Variants in CSTF3 observed in about 807,000 individuals in gnomAD.
CSTF3 encodes CF-1 77 kDa subunit.
A neutral mutation model predicts 105.8 loss-of-function variants in CSTF3; 29 were observed. That is an observed-to-expected ratio of 0.27 (90% CI 0.20 to 0.37). The LOEUF (loss-of-function observed/expected upper bound fraction) is 0.37, where lower values mean the gene tolerates loss of function less well. Ranked by LOEUF, CSTF3 falls within the 10% of genes least tolerant of loss-of-function variation. The probability of loss-of-function intolerance (pLI) is 1.00; values close to 1 mark genes in which losing one functional copy is unlikely to be tolerated. For missense variants in CSTF3, 357 were observed against 879.3 expected (o/e 0.41, Z 7.51); for synonymous variants, 252 against 281.9 (o/e 0.89, Z 1.06).
chr11:33,138,417 A>G (rs1275532753), intron 3 of CSTF3, among the ~76,000 whole-genome samples: 1 of 151,822 alleles, frequency 6.6e-6, no homozygotes, highest in East Asian at 1.9e-4. Context: ...GGTTTTCTCA[A>G]TTTTGTGATT....
chr11:33,152,968 TAAC>T (rs1279522789), intron 1 of CSTF3, among the ~76,000 whole-genome samples: 11 of 151,026 alleles, frequency 7.3e-5, no homozygotes, highest in East Asian at 1.9e-4. Flanking sequence ...AAAAAAAAAA[TAAC>T]AATAATAATT....
intron 1 of CSTF3, among the ~76,000 whole-genome samples, chr11:33,144,536 A>G (rs1233041415): frequency 1.3e-5 from 2 of 152,206 alleles, no homozygotes; most frequent in South Asian, 2.1e-4. Context: ...TGGTTTCAGA[A>G]TAACTATATA....
chr11:33,093,693 T>G (rs550021685), intron 15 of CSTF3, among the ~76,000 whole-genome samples: 1 of 152,224 alleles, frequency 6.6e-6, no homozygotes, highest in South Asian at 2.1e-4. Flanking sequence ...CCACAACTCA[T>G]TTTGGCCTAG....
chr11:33,150,914 ATTTC>A (rs1855851943), intron 1 of CSTF3, among the ~76,000 whole-genome samples: 1 of 152,144 alleles, frequency 6.6e-6, no homozygotes, highest in African/African-American at 2.4e-5. Context: ...AGCTTTTATA[ATTTC>A]TTTTTTAGTA....
At chr11:33,087,254 A>G in intron 17 of CSTF3, 113 bp from the exon 18 acceptor site, 2 of 1,076,426 alleles carry the variant, frequency 1.9e-6, no homozygotes, top group Non-Finnish European at 1.4e-6. Flanking sequence ...CACAGAAAGA[A>G]AATGGAGACG....
intron 1 of CSTF3, among the ~76,000 whole-genome samples, chr11:33,160,574 T>C (rs1253893116): frequency 6.6e-6 from 1 of 152,200 alleles, no homozygotes; most frequent in Non-Finnish European, 1.5e-5. Flanking sequence ...TACAAAATTC[T>C]GAATACAAAG....
intron 3 of CSTF3, among the ~76,000 whole-genome samples, chr11:33,117,132 G>T (rs1211904008): frequency 6.6e-6 from 1 of 151,882 alleles, no homozygotes; most frequent in Non-Finnish European, 1.5e-5. Flanking sequence ...AATATGTAGG[G>T]TATACAATAC....
In CSTF3 at chr11:33,105,585, G is replaced by A; in HGVS notation, c.567C>T (p.Asp189=). The A allele has an allele frequency of 6.2e-7, 1 of 1,611,072 alleles. No homozygotes were observed. The highest frequency in any genetic ancestry group is 8.5e-7 in the Non-Finnish European group (1 of 1,179,038). The change falls in exon 8 of 21, where the codon GAC becomes GAT. Residue 189 remains aspartate (D), a synonymous_variant. Transcript: ENST00000323959. ...PMINIEQLWR[D]YNKYEEGINI... ...AATTTACCTCTTCATACTTGTTATA[G>A]TCTCTCCAGAGCTGTTCAATGTTGA...
rs1287181093 is a variant in CSTF3 at position 33,095,622 on chromosome 11, C to T, written c.1375+684G>A. ...GGATCACGAGGTCAGGAGATCGAGA[C>T]CATCCTGGCTAACACGGTGAAACCC... is the stretch of plus-strand genomic sequence containing the variant. On this transcript the variant is annotated intron_variant, in intron 15 of 20. Coordinates refer to ENST00000323959, the MANE Select transcript of CSTF3 (RefSeq NM_001326.3). 4.0e-5 allele frequency among the ~76,000 whole-genome samples: 6 copies of T among 151,552 alleles called. No homozygotes were observed. In the East Asian group the frequency reaches 1.2e-3, roughly 30 times the overall value.
At chr11:33,096,513 TAAAAC>T (rs1031192022) in intron 14 of CSTF3, 105 bp from the exon 15 acceptor site, 3 of 729,532 alleles carry the variant, frequency 4.1e-6, no homozygotes, top group African/African-American at 3.6e-5. Context: ...ATGTAAGAAT[TAAAAC>T]AAATTAAAAT....
chr11:33,139,025 T>C (rs1855682323), intron 3 of CSTF3, among the ~76,000 whole-genome samples: 1 of 151,938 alleles, frequency 6.6e-6, no homozygotes, highest in African/African-American at 2.4e-5. Context: ...TAGATACTGC[T>C]CAACTCTCAG....
intron 20 of CSTF3, 27 bp from the exon 21 acceptor site, chr11:33,085,316 A>T (rs1855093288): frequency 1.3e-6 from 2 of 1,502,344 alleles, no homozygotes; most frequent in Non-Finnish European, 1.8e-6. Context: ...ACAAAACGTA[A>T]AAACATATTC....
chr11:33,095,192 G>A (rs1590263299), intron 15 of CSTF3, among the ~76,000 whole-genome samples: 1 of 152,204 alleles, frequency 6.6e-6, no homozygotes, highest in South Asian at 2.1e-4. Flanking sequence ...AAGCCACCAC[G>A]CCCGGCCTAT....
At chr11:33,156,210 A>T (rs1163381534) in intron 1 of CSTF3, among the ~76,000 whole-genome samples, 2 of 152,250 alleles carry the variant, frequency 1.3e-5, no homozygotes, top group Non-Finnish European at 2.9e-5. Context: ...CACTAAAAAT[A>T]GGAGGCAGAA....
intron 18 of CSTF3, 120 bp downstream of exon 18, chr11:33,086,868 T>G: frequency 9.0e-7 from 1 of 1,109,716 alleles, no homozygotes; most frequent in Non-Finnish European, 1.4e-6. Context: ...CTTGTCATAG[T>G]GATCCTAAGT....
intron 5 of CSTF3, among the ~76,000 whole-genome samples, chr11:33,107,702 C>T (rs1268412416): frequency 6.6e-6 from 1 of 152,130 alleles, no homozygotes; most frequent in Admixed American, 6.6e-5. Flanking sequence ...AGGGCTTGGG[C>T]GATTCAATTC....
intron 3 of CSTF3, among the ~76,000 whole-genome samples, chr11:33,131,944 AT>A (rs2133793070): frequency 6.6e-6 from 1 of 152,328 alleles, no homozygotes; most frequent in South Asian, 2.1e-4. Flanking sequence ...ACAGGGTACT[AT>A]TCTTTATATA....
At position 33,096,373 on chromosome 11, in the gene CSTF3, C is replaced by A; in HGVS notation, c.1308G>T (p.Gly436=). Residue 436 remains glycine (G), a synonymous_variant, in exon 15 of 21, where the codon GGG becomes GGT. Transcript: ENST00000323959. The stretch of plus-strand genomic sequence containing the variant: ...CTGGAATGTCTCCATATTTTTTTAG[C>A]CCCAGCTCAAAAATCTTAAAGGCAA... ...KSVAFKIFEL[G]LKKYGDIPEY... 1 of 1,600,790 alleles carries A rather than the reference C, an allele frequency of 6.2e-7. No individual in the cohort carries two copies. The highest frequency in any genetic ancestry group is 8.5e-7 in the Non-Finnish European group (1 of 1,177,088).
intron 1 of CSTF3, among the ~76,000 whole-genome samples, chr11:33,144,556 T>C (rs1275018422): frequency 6.6e-6 from 1 of 152,228 alleles, no homozygotes; most frequent in African/African-American, 2.4e-5. Flanking sequence ...AATCATCTGT[T>C]AGAATAACTG....
Sources: gnomAD v4.1 joint callset for allele counts (sites outside exome capture counted in the v4.1 genomes callset) on GRCh38, gnomAD v4.1.1 for gene constraint, MANE v1.5 for transcripts, NCBI Gene and HGNC (gene_info 2026-07-23, HGNC 2026-07-21) for gene names.